DTNB: variants seen among roughly 807,000 people sequenced by gnomAD.
DTNB encodes the protein DTN-B.
Under a neutral mutation model 90.7 loss-of-function variants are expected in DTNB, and 63 were observed. The observed-to-expected ratio is 0.69, with a 90% CI of 0.57 to 0.86. The LOEUF is 0.86. Among genes scored for constraint, DTNB ranks in the 40% least tolerant of loss-of-function variants. DTNB has a pLI of 0.00. For missense variants in DTNB, 744 were observed against 807.1 expected (o/e 0.92, Z 0.95); for synonymous variants, 277 against 286.7 (o/e 0.97, Z 0.34).
chr2:25,383,926 G>T, intron 18 of DTNB, 37 bp from the exon 19 acceptor site: 2 of 1,613,926 alleles, frequency 1.2e-6, no homozygotes, highest in Non-Finnish European at 1.7e-6. Context: ...GTGACCCTTC[G>T]GCACAGGACA....
chr2:25,431,155 A>G (rs574849352), intron 14 of DTNB, among the ~76,000 whole-genome samples: 1 of 152,266 alleles, frequency 6.6e-6, no homozygotes, highest in East Asian at 1.9e-4. Flanking sequence ...ATTCTGAGAT[A>G]CTACTTTCTA....
intron 1 of DTNB, among the ~76,000 whole-genome samples, chr2:25,657,299 AT>A (rs202052859): frequency 6.6e-6 from 1 of 150,964 alleles, no homozygotes; most frequent in African/African-American, 2.4e-5. Context: ...AAAAAAAAAA[AT>A]AGTTAGATTT....
intron 4 of DTNB, among the ~76,000 whole-genome samples, chr2:25,622,397 T>C (rs1216980427): frequency 6.6e-6 from 1 of 152,182 alleles, no homozygotes; most frequent in Admixed American, 6.5e-5. Flanking sequence ...TGAGAATCGC[T>C]TGAATCCAGG....
At chr2:25,526,362 AATATATATATATAT>A (rs1273988960) in intron 9 of DTNB, among the ~76,000 whole-genome samples, 1 of 99,816 alleles carries the variant, frequency 1.0e-5, no homozygotes, top group African/African-American at 4.3e-5. Context: ...AATATATATA[AATATATATATATAT>A]ATATATATAT....
chr2:25,513,419 C>A (rs538629838), intron 9 of DTNB, among the ~76,000 whole-genome samples: 31 of 152,148 alleles, frequency 2.0e-4, no homozygotes, highest in African/African-American at 7.2e-4. Flanking sequence ...ATTGGTCTAG[C>A]ACTGTAAAAA....
At position 25,667,846 on chromosome 2, in the gene DTNB, T is replaced by C. The variant is rs191345218; in HGVS notation, c.-2+5540A>G. On this transcript the variant is annotated intron_variant, in intron 1 of 20. Transcript: ENST00000406818. The stretch of plus-strand genomic sequence containing the variant: ...TGTTTATAGCAGTTTTATTCAAAAA[T>C]TGCCAAAAACTAGAAGCAACCAAGA... Among the ~76,000 whole-genome samples, 359 of 152,288 alleles carry C rather than the reference T, an allele frequency of 2.4e-3. 3 individuals carry two copies. The highest frequency in any genetic ancestry group is 8.0e-3 in the African/African-American group (333 of 41,562).
intron 10 of DTNB, among the ~76,000 whole-genome samples, chr2:25,462,476 G>GT (rs959328637): frequency 1.3e-5 from 2 of 152,104 alleles, no homozygotes; most frequent in Admixed American, 6.5e-5. Flanking sequence ...ATGGGCTTTG[G>GT]TTTTTAATCC....
At position 25,611,147 on chromosome 2, in the gene DTNB, T is replaced by A. The variant is rs550194094; in HGVS notation, c.363-3826A>T. ...AACAAAATATCTACAAGATTTTTTA[T>A]GTTGTTACATATATTAGTTCATCCT... is the stretch of plus-strand genomic sequence containing the variant. On this transcript the variant is annotated intron_variant, in intron 4 of 20. Transcript: ENST00000406818. 7.9e-5 allele frequency among the ~76,000 whole-genome samples: 12 copies of A among 152,380 alleles called. No individual in the cohort carries two copies. In the East Asian group the frequency reaches 2.1e-3, roughly 27 times the overall value.
At chr2:25,506,990 A>T (rs1480375588) in intron 9 of DTNB, among the ~76,000 whole-genome samples, 1 of 152,216 alleles carries the variant, frequency 6.6e-6, no homozygotes, top group African/African-American at 2.4e-5. Context: ...CCTTAACTTT[A>T]CAATTGGATC....
intron 1 of DTNB, among the ~76,000 whole-genome samples, chr2:25,665,866 C>T (rs1341269948): frequency 6.6e-6 from 1 of 151,466 alleles, no homozygotes; most frequent in Non-Finnish European, 1.5e-5. Flanking sequence ...CTCTAGGTTC[C>T]AATAAAAAAA....
chr2:25,466,837 C>T (rs2061873290), intron 10 of DTNB, among the ~76,000 whole-genome samples: 2 of 152,106 alleles, frequency 1.3e-5, no homozygotes, highest in Admixed American at 1.3e-4. Context: ...TTTTTCCGAA[C>T]GCTGTTGTTT....
chr2:25,453,008 G>GT (rs914560969), intron 11 of DTNB, among the ~76,000 whole-genome samples: 1 of 151,712 alleles, frequency 6.6e-6, no homozygotes, highest in Non-Finnish European at 1.5e-5. Flanking sequence ...TGCTTTAAAG[G>GT]TATTTGTCTG....
At chr2:25,559,326 A>AGGTTT (rs2057886784) in intron 8 of DTNB, among the ~76,000 whole-genome samples, 1 of 152,122 alleles carries the variant, frequency 6.6e-6, no homozygotes, top group Non-Finnish European at 1.5e-5. Context: ...CTAGGAGGAA[A>AGGTTT]CCTGGCATTC....
chr2:25,633,615 C>T (rs1163108127), intron 3 of DTNB, among the ~76,000 whole-genome samples: 1 of 152,056 alleles, frequency 6.6e-6, no homozygotes, highest in African/African-American at 2.4e-5. Flanking sequence ...GCGTCTCTGC[C>T]TAGCCGCCCA....
chr2:25,472,954 G>A (rs2063083347), intron 10 of DTNB, among the ~76,000 whole-genome samples: 1 of 152,160 alleles, frequency 6.6e-6, no homozygotes, highest in Non-Finnish European at 1.5e-5. Context: ...ACAGACACAT[G>A]TGGCTAGTTG....
At chr2:25,419,710 G>A (rs772300413) in intron 15 of DTNB, among the ~76,000 whole-genome samples, 175 bp from the exon 16 acceptor site, 13 of 152,242 alleles carry the variant, frequency 8.5e-5, no homozygotes, top group Middle Eastern at 3.4e-3. Context: ...ATCAGAGGAC[G>A]AAGCAAGCAG....
chr2:25,514,225 CAT>C (rs1352152215), intron 9 of DTNB, among the ~76,000 whole-genome samples: 15 of 152,170 alleles, frequency 9.9e-5, no homozygotes, highest in Non-Finnish European at 1.9e-4. Flanking sequence ...ATCTGAATAA[CAT>C]AAACAAATAA....
chr2:25,454,561 C>T (rs531303246), intron 11 of DTNB, among the ~76,000 whole-genome samples: 3 of 152,308 alleles, frequency 2.0e-5, no homozygotes, highest in African/African-American at 7.2e-5. Flanking sequence ...ATTGCTTAAA[C>T]TTTACCTGTC....
intron 10 of DTNB, among the ~76,000 whole-genome samples, chr2:25,458,416 A>C (rs2060390317): frequency 6.6e-6 from 1 of 152,120 alleles, no homozygotes; most frequent in Non-Finnish European, 1.5e-5. Context: ...ACAGTTAAAA[A>C]AAAAAAAAGA....
Sources: gnomAD v4.1 joint callset for allele counts (sites outside exome capture counted in the v4.1 genomes callset) on GRCh38, gnomAD v4.1.1 for gene constraint, MANE v1.5 for transcripts, NCBI Gene and HGNC (gene_info 2026-07-23, HGNC 2026-07-21) for gene names.